The following SPATA13 variants were observed in gnomAD, a reference collection of about 807,000 sequenced individuals.
SPATA13 encodes spermatogenesis associated 13, also known as spermatogenesis-associated protein 13.
SPATA13 carries 50 observed loss-of-function variants against 104.0 expected under a neutral mutation model. The observed-to-expected ratio is 0.48, with a 90% confidence interval of 0.38 to 0.61. SPATA13 has a LOEUF of 0.61. Ranked by LOEUF, SPATA13 falls within the 20% of genes least tolerant of loss-of-function variation. The pLI, the probability that SPATA13 is intolerant of heterozygous loss-of-function variation, is 0.00. For synonymous variants in SPATA13, 606 were observed against 667.5 expected, an observed-to-expected ratio of 0.91 and a Z score of 1.42; for missense variants, 1,524 against 1,690.6, an observed-to-expected ratio of 0.90 and a Z score of 1.73.
intron 3 of SPATA13, among the ~76,000 whole-genome samples, chr13:24,057,057 CT>C (rs71712571): frequency 0.17 from 22,822 of 135,084 alleles, 1,935 homozygotes; most frequent in Non-Finnish European, 0.19. Context: ...CTGGCTCTTT[CT>C]TTTTTTTTTT....
intron 2 of SPATA13, among the ~76,000 whole-genome samples, chr13:24,000,391 G>A (rs527956951): frequency 6.6e-6 from 1 of 152,308 alleles, no homozygotes; most frequent in South Asian, 2.1e-4. Flanking sequence ...GGGGAGCCCA[G>A]TGAAAGACAG....
chr13:24,237,944 C>T (rs9553223), intron 2 of SPATA13, among the ~76,000 whole-genome samples: 1 of 146,108 alleles, frequency 6.8e-6, no homozygotes, highest in Admixed American at 6.9e-5. Flanking sequence ...TTTAAATATG[C>T]AATATATAAA....
intron 1 of SPATA13, among the ~76,000 whole-genome samples, chr13:24,209,055 C>T (rs1349962620): frequency 6.6e-6 from 1 of 152,116 alleles, no homozygotes; most frequent in Non-Finnish European, 1.5e-5. Flanking sequence ...CTTCCTGGTT[C>T]CTGCCACTGT....
intron 3 of SPATA13, among the ~76,000 whole-genome samples, chr13:24,044,121 G>A (rs1878039126): frequency 2.0e-5 from 3 of 152,230 alleles, no homozygotes; most frequent in Non-Finnish European, 2.9e-5. Context: ...TGGCTGGGGA[G>A]TGGCTGCCTG....
intron 1 of SPATA13, among the ~76,000 whole-genome samples, chr13:24,199,316 G>C (rs1566146660): frequency 6.6e-6 from 1 of 152,182 alleles, no homozygotes; most frequent in Non-Finnish European, 1.5e-5. Context: ...ACTGAATCTT[G>C]CTAGATGGCC....
chr13:24,033,230 A>C (rs150810719), intron 3 of SPATA13, among the ~76,000 whole-genome samples: 4 of 152,216 alleles, frequency 2.6e-5, no homozygotes, highest in African/African-American at 7.2e-5. Flanking sequence ...TGCTCAAAAC[A>C]TAGAATTTCA....
chr13:24,042,376 C>G (rs1219518975), intron 3 of SPATA13, among the ~76,000 whole-genome samples: 1 of 152,212 alleles, frequency 6.6e-6, no homozygotes, highest in East Asian at 1.9e-4. Context: ...TGATGCAGTT[C>G]TAGCCTTTGT....
chr13:24,053,142 T>A (rs1307630054), intron 3 of SPATA13, among the ~76,000 whole-genome samples: 1 of 152,082 alleles, frequency 6.6e-6, no homozygotes, highest in Non-Finnish European at 1.5e-5. Context: ...GTTTTAGATA[T>A]AAAGCATCAA....
At chr13:24,042,126 G>GTGTCCTC (rs56178489) in intron 3 of SPATA13, among the ~76,000 whole-genome samples, 71,112 of 151,642 alleles carry the variant, frequency 0.47, 17,454 homozygotes, top group African/African-American at 0.61. Flanking sequence ...AGAAAGCGCG[G>GTGTCCTC]TGTCCTCTGT....
intron 3 of SPATA13, among the ~76,000 whole-genome samples, chr13:24,052,914 C>A (rs1483446257): frequency 1.4e-5 from 2 of 145,400 alleles, no homozygotes; most frequent in Non-Finnish European, 3.0e-5. Flanking sequence ...TTTCACTTAG[C>A]TTCCTGCAGG....
chr13:24,280,882 A>G (rs1351578903), intron 4 of SPATA13, among the ~76,000 whole-genome samples: 5 of 152,038 alleles, frequency 3.3e-5, no homozygotes. Context: ...GACTGTACGC[A>G]CCCTGGCCTA....
At chr13:24,293,175 G>A (rs1318943915) in intron 9 of SPATA13, among the ~76,000 whole-genome samples, 1 of 150,646 alleles carries the variant, frequency 6.6e-6, no homozygotes, top group Admixed American at 6.6e-5. Context: ...GATAAAAGAA[G>A]AGAGAGCTAT....
At chr13:24,188,178 T>C (rs951533970) in intron 1 of SPATA13, among the ~76,000 whole-genome samples, 3 of 151,788 alleles carry the variant, frequency 2.0e-5, no homozygotes, top group Non-Finnish European at 2.9e-5. Flanking sequence ...CCATCTCTAC[T>C]GAAATACAAA....
At chr13:24,300,621 G>A in intron 12 of SPATA13, 146 bp downstream of exon 12, 2 of 707,420 alleles carry the variant, frequency 2.8e-6, no homozygotes, top group African/African-American at 1.8e-5. Context: ...CAGAACAGGG[G>A]CCAGGTGAAG....
chr13:24,001,245 T>C (rs1443398053), intron 2 of SPATA13, among the ~76,000 whole-genome samples: 2 of 152,136 alleles, frequency 1.3e-5, no homozygotes, highest in East Asian at 1.9e-4. Context: ...GTAACAGTGT[T>C]ACATCGCTGA....
Position 24,223,032 on chromosome 13 carries a change from G to A in SPATA13, c.103G>A (p.Asp35Asn), listed in dbSNP as rs1435040121. The change falls in exon 2 of 13, where the codon GAC becomes AAC. Residue 35 changes from aspartate (D) to asparagine (N), a missense_variant. Physicochemically the swap from Asp to Asn is conservative, Grantham distance 23 (BLOSUM62 1). Around this residue, in one of 2 missense-constraint regions of SPATA13, gnomAD observed 1,089 missense variants for 1,135.9 expected, o/e 0.96. Transcript: ENST00000382108. ...PGPAAPCAGSDLKDAKMVTSL... is the reference protein window; with the variant it reads ...PGPAAPCAGSNLKDAKMVTSL... ...CCCCGCAGCCCCCTGTGCAGGCTCG[G>A]ACCTGAAAGACGCCAAGATGGTGAC... 6.4e-7 allele frequency: 1 copy of A among 1,551,706 alleles called. No individual in the cohort carries two copies. Among genetic ancestry groups the A allele is most frequent in the South Asian group, 1.2e-5 (1 of 84,060 alleles).
chr13:24,270,424 C>G (rs941025755), intron 4 of SPATA13, among the ~76,000 whole-genome samples: 1 of 152,030 alleles, frequency 6.6e-6, no homozygotes, highest in African/African-American at 2.4e-5. Flanking sequence ...ACTAAGTGAC[C>G]CCTGTGCTTT....
At chr13:24,108,559 C>T (rs1162976248) in intron 3 of SPATA13, among the ~76,000 whole-genome samples, 2 of 152,184 alleles carry the variant, frequency 1.3e-5, no homozygotes, top group Admixed American at 6.5e-5. Flanking sequence ...AGGACACTCA[C>T]CCTTGCAGCC....
chr13:24,057,260 G>A (rs1244517146), intron 3 of SPATA13, among the ~76,000 whole-genome samples: 1 of 146,096 alleles, frequency 6.8e-6, no homozygotes, highest in African/African-American at 2.6e-5. Context: ...AGTCCCCGGA[G>A]TGTGATGTTG....
Sources: gnomAD v4.1 joint callset for allele counts (sites outside exome capture counted in the v4.1 genomes callset) on GRCh38, gnomAD v4.1.1 for gene constraint, gnomAD v4.1.1 regional missense constraint, MANE v1.5 for transcripts, NCBI Gene and HGNC (gene_info 2026-07-23, HGNC 2026-07-21) for gene names.